The following NPAS3 variants were observed in gnomAD, a reference collection of about 807,000 sequenced individuals.
The protein encoded by NPAS3 is neuronal PAS domain protein 3, also known as neuronal PAS domain-containing protein 3.
Under a neutral mutation model 73.1 loss-of-function variants are expected in NPAS3, and 14 were observed. The observed-to-expected ratio is 0.19, with a 90% CI of 0.13 to 0.30. NPAS3 has a LOEUF of 0.30. Among genes scored for constraint, NPAS3 ranks in the 10% least tolerant of loss-of-function variants. The probability of loss-of-function intolerance (pLI) is 1.00; values close to 1 mark genes in which losing one functional copy is unlikely to be tolerated. For synonymous variants in NPAS3, 620 were observed against 541.5 expected (o/e 1.14, Z -2.01); for missense variants, 1,096 against 1,250.0 (o/e 0.88, Z 1.86).
intron 6 of NPAS3, among the ~76,000 whole-genome samples, chr14:33,692,842 A>T (rs1475893695): frequency 3.6e-5 from 3 of 82,322 alleles, no homozygotes; most frequent in Admixed American, 1.1e-4. Flanking sequence ...GTCTTAAAAA[A>T]AAAAAAAAAA....
intron 5 of NPAS3, among the ~76,000 whole-genome samples, chr14:33,589,647 GT>G (rs890342477): frequency 1.3e-5 from 2 of 151,960 alleles, no homozygotes. Flanking sequence ...CTACTATAAA[GT>G]TTTTTATTGT....
intron 1 of NPAS3, among the ~76,000 whole-genome samples, chr14:32,991,280 G>T (rs1453385152): frequency 1.3e-5 from 2 of 152,066 alleles, no homozygotes. Context: ...CAAGTCCCAT[G>T]TAAAATGTAA....
intron 7 of NPAS3, among the ~76,000 whole-genome samples, chr14:33,749,842 C>T (rs182969136): frequency 9.2e-5 from 14 of 152,304 alleles, no homozygotes; most frequent in African/African-American, 3.4e-4. Context: ...CCACAGAGTG[C>T]TGACAGATTG....
chr14:33,754,414 T>C (rs2062053450), intron 7 of NPAS3, among the ~76,000 whole-genome samples: 1 of 152,104 alleles, frequency 6.6e-6, no homozygotes, highest in South Asian at 2.1e-4. Context: ...AAGGAAGTCC[T>C]CATTCCCTTC....
chr14:33,522,333 C>T (rs878938728), intron 4 of NPAS3, among the ~76,000 whole-genome samples: 2 of 151,982 alleles, frequency 1.3e-5, no homozygotes, highest in Admixed American at 6.6e-5. Flanking sequence ...AACTTCTTCT[C>T]CTTATGGCCT....
chr14:33,251,302 T>C (rs2048575971), intron 3 of NPAS3, among the ~76,000 whole-genome samples: 1 of 152,066 alleles, frequency 6.6e-6, no homozygotes, highest in Admixed American at 6.6e-5. Context: ...AGTTAAGGGG[T>C]CAGGTGGGTA....
At position 33,114,158 on chromosome 14, in the gene NPAS3, C is replaced by A. The variant is rs1394638074; in HGVS notation, c.140+58164C>A. Among the ~76,000 whole-genome samples the A allele has an allele frequency of 2.0e-5, 3 of 151,990 alleles. No individual in the cohort carries two copies. The South Asian group carries it at 6.3e-4, about 32-fold the overall frequency. On this transcript the variant is annotated intron_variant, in intron 2 of 11. Transcript: ENST00000356141. ...TCATGCAATTCTTGTGACTCAGCCT[C>A]CCGAGTAACTGGGATTACAGGCTGG... is the stretch of plus-strand genomic sequence containing the variant.
rs370631048 is a variant in NPAS3, at chr14:33,391,187, CTT to C, written c.468+23941_468+23942del. 6.1e-3 allele frequency among the ~76,000 whole-genome samples: 665 copies of C among 109,800 alleles called. 5 individuals carry two copies. The highest frequency in any genetic ancestry group is 0.021 in the African/African-American group (609 of 28,550). The allele number at this position is 109,800 out of a possible 152,430, so 72.0% of individuals were successfully genotyped here. A position where few individuals can be genotyped will look rare whatever the true frequency, so the allele number is the denominator to read the frequency against. On this transcript the variant is annotated intron_variant, in intron 4 of 11. Transcript: ENST00000356141. ...AAAATCCTCATTCTTTGGCCCATAT[CTT>C]TTTTTTTTTTTTTTTTTTTTTGAGA...
chr14:32,953,111 C>A (rs1595079324), intron 1 of NPAS3, among the ~76,000 whole-genome samples: 1 of 149,734 alleles, frequency 6.7e-6, no homozygotes, highest in African/African-American at 2.5e-5. Flanking sequence ...CAACAAAAAA[C>A]CCCAAACAAC....
intron 6 of NPAS3, among the ~76,000 whole-genome samples, chr14:33,683,703 C>A (rs2060006324): frequency 6.6e-6 from 1 of 152,172 alleles, no homozygotes; most frequent in East Asian, 1.9e-4. Context: ...GGCTGGAAAC[C>A]ATCTCCACCC....
chr14:33,613,608 G>A (rs1385654976), intron 5 of NPAS3, among the ~76,000 whole-genome samples: 1 of 152,004 alleles, frequency 6.6e-6, no homozygotes, highest in Non-Finnish European at 1.5e-5. Flanking sequence ...GTGTTCAGGG[G>A]AATGAATGTC....
chr14:33,298,014 G>A (rs1223845763), intron 3 of NPAS3, among the ~76,000 whole-genome samples: 1 of 152,198 alleles, frequency 6.6e-6, no homozygotes, highest in Admixed American at 6.5e-5. Context: ...AGGTGCGGTG[G>A]CGCACAGCTG....
intron 7 of NPAS3, among the ~76,000 whole-genome samples, chr14:33,736,104 G>T (rs1182678950): frequency 6.6e-6 from 1 of 152,140 alleles, no homozygotes; most frequent in Non-Finnish European, 1.5e-5. Context: ...ATTATCTGTG[G>T]GAGGGCAAAC....
intron 9 of NPAS3, among the ~76,000 whole-genome samples, chr14:33,785,719 T>C (rs1244020576): frequency 6.6e-6 from 1 of 152,092 alleles, no homozygotes; most frequent in African/African-American, 2.4e-5. Context: ...AAAGATCAGG[T>C]CATTCAAATC....
At chr14:33,134,413 A>G (rs770182452) in intron 2 of NPAS3, among the ~76,000 whole-genome samples, 1 of 152,196 alleles carries the variant, frequency 6.6e-6, no homozygotes, top group African/African-American at 2.4e-5. Context: ...TTAAACACTC[A>G]ATTTTACATC....
At chr14:33,565,501 A>G (rs2055881403) in intron 5 of NPAS3, among the ~76,000 whole-genome samples, 1 of 152,240 alleles carries the variant, frequency 6.6e-6, no homozygotes, top group Admixed American at 6.5e-5. Context: ...TTGCTTTTCC[A>G]AAGTGCAAGG....
intron 2 of NPAS3, among the ~76,000 whole-genome samples, chr14:33,063,227 A>G (rs770217702): frequency 6.6e-6 from 1 of 152,208 alleles, no homozygotes; most frequent in Non-Finnish European, 1.5e-5. Flanking sequence ...CTGATCTTTT[A>G]CCAGATGCCA....
intron 6 of NPAS3, among the ~76,000 whole-genome samples, chr14:33,719,822 T>C (rs962040500): frequency 6.6e-6 from 1 of 152,124 alleles, no homozygotes; most frequent in African/African-American, 2.4e-5. Context: ...ATGCTAAAGG[T>C]CTTCTTTCCA....
At chr14:33,339,508 G>A (rs1279814070) in intron 3 of NPAS3, among the ~76,000 whole-genome samples, 2 of 152,194 alleles carry the variant, frequency 1.3e-5, no homozygotes, top group African/African-American at 2.4e-5. Flanking sequence ...TTAACTGGCA[G>A]TTTATGCTAC....
Sources: gnomAD v4.1 joint callset for allele counts (sites outside exome capture counted in the v4.1 genomes callset) on GRCh38, gnomAD v4.1.1 for gene constraint, MANE v1.5 for transcripts, NCBI Gene and HGNC (gene_info 2026-07-23, HGNC 2026-07-21) for gene names.